The following MN1 variants were observed in gnomAD, a reference collection of about 807,000 sequenced individuals.
MN1 encodes the protein transcriptional activator MN1.
Under a neutral mutation model 86.9 loss-of-function variants are expected in MN1, and 19 were observed. The observed-to-expected ratio is 0.22, with a 90% CI of 0.15 to 0.32. The LOEUF (loss-of-function observed/expected upper bound fraction) is 0.32, where lower values mean the gene tolerates loss of function less well. Ranked by LOEUF, MN1 falls within the 10% of genes least tolerant of loss-of-function variation. MN1 has a pLI of 1.00. For synonymous variants in MN1, 928 were observed against 849.6 expected (o/e 1.09, Z -1.60); for missense variants, 1,841 against 1,862.0 (o/e 0.99, Z 0.21).
chr22:27,798,590 G>C lies in MN1; in HGVS notation c.1954C>G (p.Leu652Val). The C allele has an allele frequency of 1.3e-6, 2 of 1,551,136 alleles. No homozygotes were observed. Among genetic ancestry groups the C allele is most frequent in the Non-Finnish European group, 1.7e-6 (2 of 1,157,870 alleles). ...TCGTGCGGGCCACAGTCAGCGGGCA[G>C]ACCCGAGCCGCCCATCCTACGGGGC... is the stretch of plus-strand genomic sequence containing the variant. ...LLPRRMGGSG[L>V]PADCGPHDPS... The change falls in exon 1 of 2, where the codon CTG becomes GTG. Residue 652 changes from leucine (L) to valine (V), a missense_variant. Physicochemically the swap from Leu to Val is conservative, Grantham distance 32. Coordinates refer to ENST00000302326, the MANE Select transcript of MN1 (RefSeq NM_002430.3).
In MN1 at chr22:27,800,478, G is replaced by C; in HGVS notation, c.66C>G (p.Asn22Lys). 2 of 1,614,208 alleles carry C rather than the reference G, an allele frequency of 1.2e-6. No homozygotes were observed. The highest frequency in any genetic ancestry group is 8.5e-7 in the Non-Finnish European group (1 of 1,180,030). ...NSRNAGQGER[N>K]FNETGLSMNT... ...TCATGCTCAGTCCGGTCTCGTTAAA[G>C]TTCCTCTCGCCCTGGCCAGCGTTCC... Residue 22 changes from asparagine (N) to lysine (K), a missense_variant, in exon 1 of 2, where the codon AAC becomes AAG. Transcript: ENST00000302326.
At chr22:27,774,839 A>G (rs749674916) in intron 1 of MN1, among the ~76,000 whole-genome samples, 11 of 152,118 alleles carry the variant, frequency 7.2e-5, no homozygotes, top group Admixed American at 3.3e-4. Flanking sequence ...CCAGGTACCA[A>G]CCTAAGCCAC....
In MN1 at chr22:27,798,944, G is replaced by GTTGCTGCTGCTGCTT. The variant is rs1568985217; in HGVS notation, c.1599_1600insAAGCAGCAGCAGCAA (p.Gln533_Gln534insLysGlnGlnGlnGln). On this transcript the variant is annotated inframe_insertion, in exon 1 of 2. Transcript: ENST00000302326. ...TGCTGTTGCTGCTGCTGCTGCTGCT[G>GTTGCTGCTGCTGCTT]TTGCTGCTGCTGCTGCTGCTGCTGC... 6.4e-7 allele frequency: 1 copy of GTTGCTGCTGCTGCTT among 1,563,632 alleles called. No individual in the cohort carries two copies. The highest frequency in any genetic ancestry group is 2.3e-5 in the East Asian group (1 of 43,316).
intron 1 of MN1, among the ~76,000 whole-genome samples, chr22:27,774,580 T>G (rs1932952468): frequency 6.6e-6 from 1 of 152,226 alleles, no homozygotes; most frequent in South Asian, 2.1e-4. Context: ...GAGACTTCCT[T>G]GGTACCTACA....
Position 27,750,765 on chromosome 22 carries a change from C to T in MN1, c.*150G>A. ...CCTTTCCGGTCCATATGCCACTAAG[C>T]AGGTACCAACCTAGAGAAAAAAAAA... is the stretch of plus-strand genomic sequence containing the variant. On this transcript the variant is annotated 3_prime_UTR_variant, in exon 2 of 2. Transcript: ENST00000302326. 1 of 578,238 alleles carries T rather than the reference C, an allele frequency of 1.7e-6. No homozygotes were observed. Among genetic ancestry groups the T allele is most frequent in the East Asian group, 3.2e-5 (1 of 31,564 alleles). The allele number at this position is 578,238 out of a possible 1,614,324, so 35.8% of individuals were successfully genotyped here.
chr22:27,787,247 C>T (rs925767094), intron 1 of MN1, among the ~76,000 whole-genome samples: 13 of 152,240 alleles, frequency 8.5e-5, no homozygotes, highest in African/African-American at 2.9e-4. Context: ...CGTGAAATTG[C>T]TCCTGTTCTA....
chr22:27,753,786 C>T (rs118009109), intron 1 of MN1, among the ~76,000 whole-genome samples: 10,634 of 152,210 alleles, frequency 0.07, 516 homozygotes, highest in South Asian at 0.12. Context: ...TGGATTCTGG[C>T]AATACTGAGG....
rs578227429 is a variant in MN1 at position 27,783,149 on chromosome 22, T to C, written c.3781+13614A>G. ...GTCGTGCTGCTTTTTTTTTTTTTTTTCTTGAGACAGAGTCTTGCTCTGTTG... is the reference window on the plus strand; with the variant it reads ...GTCGTGCTGCTTTTTTTTTTTTTTTCCTTGAGACAGAGTCTTGCTCTGTTG... On this transcript the variant is annotated intron_variant, in intron 1 of 1. Transcript: ENST00000302326. 1.5e-4 allele frequency among the ~76,000 whole-genome samples: 22 copies of C among 151,000 alleles called. No homozygotes were observed. The South Asian group carries it at 4.6e-3, about 32-fold the overall frequency.
At chr22:27,768,377 C>A (rs1343529584) in intron 1 of MN1, among the ~76,000 whole-genome samples, 1 of 152,160 alleles carries the variant, frequency 6.6e-6, no homozygotes, top group African/African-American at 2.4e-5. Flanking sequence ...AAAGCATTTA[C>A]CCTCCTATGC....
chr22:27,797,278 A>C lies in MN1; in HGVS notation c.3266T>G (p.Val1089Gly). The change falls in exon 1 of 2, where the codon GTA becomes GGA. Residue 1089 changes from valine to glycine, a missense_variant. Coordinates refer to ENST00000302326, the MANE Select transcript of MN1 (RefSeq NM_002430.3). ...TGSPKLPPRGVGAGEHGPKAP... is the reference protein window; with the variant it reads ...TGSPKLPPRGGGAGEHGPKAP... ...CTTCGGTCCGTGTTCCCCGGCGCCT[A>C]CCCCACGGGGAGGGAGTTTGGGCGA... is the stretch of plus-strand genomic sequence containing the variant. 1 of 1,593,778 alleles carries C rather than the reference A, an allele frequency of 6.3e-7. No individual in the cohort carries two copies. Among genetic ancestry groups the C allele is most frequent in the Non-Finnish European group, 8.5e-7 (1 of 1,176,984 alleles).
rs764128239 is a variant in MN1 at position 27,798,666 on chromosome 22, C to T, written c.1878G>A (p.Ala626=). 6.5e-7 allele frequency: 1 copy of T among 1,548,342 alleles called. No homozygotes were observed. Among genetic ancestry groups the T allele is most frequent in the South Asian group, 1.2e-5 (1 of 84,608 alleles). Residue 626 remains alanine, a synonymous_variant, in exon 1 of 2, where the codon GCG becomes GCA. Coordinates refer to ENST00000302326, the MANE Select transcript of MN1 (RefSeq NM_002430.3). The part of the protein sequence containing the change: ...GTFEQQAPHL[A]QESAWFSGPH... ...GACCTGAGAACCACGCGCTCTCTTG[C>T]GCCAAGTGCGGCGCCTGCTGCTCGA...
intron 1 of MN1, among the ~76,000 whole-genome samples, chr22:27,782,892 T>C (rs760108518): frequency 1.3e-5 from 2 of 152,144 alleles, no homozygotes; most frequent in Non-Finnish European, 1.5e-5. Flanking sequence ...TTTTTCCTCT[T>C]GTCAATTTTA....
At chr22:27,754,719 A>C (rs548029048) in intron 1 of MN1, among the ~76,000 whole-genome samples, 6 of 152,240 alleles carry the variant, frequency 3.9e-5, no homozygotes, top group African/African-American at 1.4e-4. Context: ...GGCCTGCCCC[A>C]GCTCAAGAGA....
At chr22:27,773,339 G>T (rs1369422781) in intron 1 of MN1, among the ~76,000 whole-genome samples, 2 of 152,204 alleles carry the variant, frequency 1.3e-5, no homozygotes, top group Non-Finnish European at 2.9e-5. Context: ...CAGCTCCTGG[G>T]GAAGCAGATG....
At chr22:27,776,521 TG>T (rs540492372) in intron 1 of MN1, among the ~76,000 whole-genome samples, 155 of 151,974 alleles carry the variant, frequency 1.0e-3, no homozygotes, top group Non-Finnish European at 1.8e-3. Context: ...GGGCGGAGGC[TG>T]GGGGGTGGCT....
chr22:27,765,532 C>A (rs1287201744), intron 1 of MN1, among the ~76,000 whole-genome samples: 1 of 152,246 alleles, frequency 6.6e-6, no homozygotes, highest in African/African-American at 2.4e-5. Context: ...CCAGCACTTA[C>A]CCCTGCAAGG....
intron 1 of MN1, among the ~76,000 whole-genome samples, chr22:27,765,941 C>G (rs553879438): frequency 6.6e-6 from 1 of 152,240 alleles, no homozygotes; most frequent in South Asian, 2.1e-4. Context: ...GGTGCCTGTG[C>G]CCGGCACACC....
chr22:27,799,094 T>C lies in MN1; in HGVS notation c.1450A>G (p.Asn484Asp), dbSNP rs747699031. 6.2e-7 allele frequency: 1 copy of C among 1,606,164 alleles called. No homozygotes were observed. Among genetic ancestry groups the C allele is most frequent in the Admixed American group, 1.7e-5 (1 of 59,794 alleles). ...GGGTAGGCGGAAGGGGAGAGGTGATTATCCAGAGCGCCGTTGTGCATGCTG... is the reference window on the plus strand; with the variant it reads ...GGGTAGGCGGAAGGGGAGAGGTGATCATCCAGAGCGCCGTTGTGCATGCTG... ...NGSMHNGALDNHLSPSAYPGL... is the reference protein window; with the variant it reads ...NGSMHNGALDDHLSPSAYPGL... The change falls in exon 1 of 2, where the codon AAT becomes GAT. Residue 484 changes from asparagine (N) to aspartate (D), a missense_variant. Physicochemically the swap from Asn to Asp is conservative, Grantham distance 23. Coordinates refer to ENST00000302326, the MANE Select transcript of MN1 (RefSeq NM_002430.3).
Position 27,788,693 on chromosome 22 carries a change from A to G in MN1, c.3781+8070T>C, listed in dbSNP as rs45484898. ...CAAGAAGTTATGTGTGTGTGTGTGCACGCGTGTGTGTGTGCACGCACGTGT... is the reference window on the plus strand; with the variant it reads ...CAAGAAGTTATGTGTGTGTGTGTGCGCGCGTGTGTGTGTGCACGCACGTGT... On this transcript the variant is annotated intron_variant, in intron 1 of 1. Transcript: ENST00000302326. Among the ~76,000 whole-genome samples, 1,153 of 147,682 alleles carry G rather than the reference A, an allele frequency of 7.8e-3. 20 individuals carry two copies. The highest frequency in any genetic ancestry group is 0.028 in the African/African-American group (1,061 of 37,984).
Sources: allele counts gnomAD v4.1 joint callset (sites outside exome capture counted in the v4.1 genomes callset), GRCh38; gene constraint gnomAD v4.1.1; transcripts MANE v1.5; gene names NCBI Gene and HGNC (gene_info 2026-07-23, HGNC 2026-07-21).